INPP5A: variants seen among roughly 807,000 people sequenced by gnomAD.
The protein encoded by INPP5A is inositol polyphosphate-5-phosphatase A.
Under a neutral mutation model 65.2 loss-of-function variants are expected in INPP5A, and 14 were observed. That is an observed-to-expected ratio of 0.21 (90% confidence interval 0.14 to 0.34). INPP5A has a LOEUF of 0.34. INPP5A is among the 10% of genes least tolerant of loss of function. The pLI is 1.00. For synonymous variants in INPP5A, 207 were observed against 208.3 expected (o/e 0.99, Z 0.05); for missense variants, 431 against 545.6 (o/e 0.79, Z 2.09).
intron 8 of INPP5A, among the ~76,000 whole-genome samples, chr10:132,713,786 C>G (rs1402018159): frequency 6.6e-6 from 1 of 152,194 alleles, no homozygotes; most frequent in Non-Finnish European, 1.5e-5. Context: ...GGAGCTGGCA[C>G]TGACACCGAG....
At position 132,723,571 on chromosome 10, in the gene INPP5A, CAT is replaced by C. The variant is rs1386616197; in HGVS notation, c.648-3249_648-3248del. Among the ~76,000 whole-genome samples the C allele has an allele frequency of 1.6e-3, 216 of 138,492 alleles. 1 individual carries two copies. Among genetic ancestry groups the C allele is most frequent in the African/African-American group, 4.3e-3 (154 of 35,588 alleles). 90.9% of individuals were successfully genotyped at this position (138,492 alleles called of 152,430 possible). A position where few individuals can be genotyped will look rare whatever the true frequency, so the allele number is the denominator to read the frequency against. On this transcript the variant is annotated intron_variant, in intron 8 of 15. Coordinates refer to ENST00000368594, the MANE Select transcript of INPP5A (RefSeq NM_005539.5). ...GGGGATTGGCCGTGTGGGGATTGGC[CAT>C]GTGGGGATTGGCCGTGTGGGGATTG...
At chr10:132,615,807 T>C (rs1336583776) in intron 2 of INPP5A, among the ~76,000 whole-genome samples, 5 of 151,110 alleles carry the variant, frequency 3.3e-5, no homozygotes, top group Admixed American at 6.6e-5. Flanking sequence ...AGGCACTGGG[T>C]TGGTGGAGGA....
intron 3 of INPP5A, among the ~76,000 whole-genome samples, chr10:132,649,749 C>T (rs1026888047): frequency 1.1e-4 from 17 of 152,142 alleles, no homozygotes; most frequent in African/African-American, 3.6e-4. Context: ...GACGGGGCCT[C>T]GTCCTCCGTT....
At chr10:132,563,915 T>C (rs111877332) in intron 1 of INPP5A, among the ~76,000 whole-genome samples, 3,644 of 152,252 alleles carry the variant, frequency 0.024, 53 homozygotes, top group South Asian at 0.039. Context: ...CTCTGAGCCC[T>C]GAGCCCTGGC....
rs1004092539 is a variant in INPP5A, at chr10:132,650,050, A to G, written c.219-368A>G. ...TGTGCTGGTGGCTACTGGGGGTCCA[A>G]TTTCTCTCTTAAGACCAAGCGTGAG... On this transcript the variant is annotated intron_variant, in intron 3 of 15. Coordinates refer to ENST00000368594, the MANE Select transcript of INPP5A (RefSeq NM_005539.5). The surrounding 1 kb of genome is among the most constrained non-coding windows in gnomAD (Gnocchi z 5.5). 3.3e-5 allele frequency among the ~76,000 whole-genome samples: 5 copies of G among 152,158 alleles called. No homozygotes were observed. The highest frequency in any genetic ancestry group is 2.1e-4 in the South Asian group (1 of 4,816).
In INPP5A at chr10:132,676,080, C is replaced by T. The variant is rs1055209679; in HGVS notation, c.307-14312C>T. Among the ~76,000 whole-genome samples, 2 of 152,026 alleles carry T rather than the reference C, an allele frequency of 1.3e-5. No individual in the cohort carries two copies. The highest frequency in any genetic ancestry group is 3.8e-4 in the East Asian group (2 of 5,198). On this transcript the variant is annotated intron_variant, in intron 4 of 15. Transcript: ENST00000368594. This position sits in a 1 kb window ranked among gnomAD's most constrained non-coding sequence, Gnocchi z 4.0. ...TGATTTACTTGTATAATCATTTATA[C>T]GTAGAAAAATATAACAAATTTCATA...
In INPP5A at chr10:132,587,477, G is replaced by A. The variant is rs896691909; in HGVS notation, c.76-20438G>A. On this transcript the variant is annotated intron_variant, in intron 1 of 15. Coordinates refer to ENST00000368594, the MANE Select transcript of INPP5A (RefSeq NM_005539.5). This position sits in a 1 kb window ranked among gnomAD's most constrained non-coding sequence, Gnocchi z 4.3. ...GAAATCATGACGGGGAAAGGATGCGGCCATACCAGACGGAACCTTTGTCCA... is the reference window on the plus strand; with the variant it reads ...GAAATCATGACGGGGAAAGGATGCGACCATACCAGACGGAACCTTTGTCCA... Among the ~76,000 whole-genome samples, 1 of 152,182 alleles carries A rather than the reference G, an allele frequency of 6.6e-6. No individual in the cohort carries two copies. The highest frequency in any genetic ancestry group is 2.4e-5 in the African/African-American group (1 of 41,438).
At chr10:132,646,100 C>G in intron 3 of INPP5A, 132 bp downstream of exon 3, 1 of 652,942 alleles carries the variant, frequency 1.5e-6, no homozygotes, top group Non-Finnish European at 2.7e-6. Context: ...TTGGCTGAGT[C>G]TCAGTTTTCC....
chr10:132,720,207 G>T (rs1256534658), intron 8 of INPP5A, among the ~76,000 whole-genome samples: 4 of 151,058 alleles, frequency 2.6e-5, no homozygotes, highest in African/African-American at 7.3e-5. Context: ...TGTGGGTTCT[G>T]TGGCACCTGG....
chr10:132,665,084 G>A (rs776592755), intron 4 of INPP5A, among the ~76,000 whole-genome samples: 2 of 152,204 alleles, frequency 1.3e-5, no homozygotes, highest in Non-Finnish European at 2.9e-5. Flanking sequence ...GCCCTGTTGT[G>A]CATGAGGGCA....
chr10:132,632,755 A>G (rs2072292053), intron 2 of INPP5A, among the ~76,000 whole-genome samples: 1 of 152,256 alleles, frequency 6.6e-6, no homozygotes, highest in African/African-American at 2.4e-5. Context: ...TAAATGCCCC[A>G]CACTCATCCC....
chr10:132,604,266 G>A (rs1256919357), intron 1 of INPP5A, among the ~76,000 whole-genome samples: 17 of 149,680 alleles, frequency 1.1e-4, no homozygotes, highest in Non-Finnish European at 2.4e-4. Flanking sequence ...CCTGCCCTGT[G>A]CCGTCAGGGT....
Position 132,719,054 on chromosome 10 carries a change from G to A in INPP5A, c.648-7767G>A, listed in dbSNP as rs561369780. ...TGTGGTACCTGGGTTCTGTCTGGGC[G>A]CCTTAGACGGCTGTCTCGCGGGTTC... On this transcript the variant is annotated intron_variant, in intron 8 of 15. Coordinates refer to ENST00000368594, the MANE Select transcript of INPP5A (RefSeq NM_005539.5). Among the ~76,000 whole-genome samples, 190 of 132,164 alleles carry A rather than the reference G, an allele frequency of 1.4e-3. 1 individual carries two copies. The highest frequency in any genetic ancestry group is 5.2e-3 in the African/African-American group (181 of 34,786). 86.7% of individuals were successfully genotyped at this position (132,164 alleles called of 152,430 possible).
chr10:132,602,693 C>T (rs577212843), intron 1 of INPP5A, among the ~76,000 whole-genome samples: 13 of 152,296 alleles, frequency 8.5e-5, no homozygotes, highest in South Asian at 6.2e-4. Context: ...CGTTCCCATT[C>T]GGGTACCTTT....
intron 1 of INPP5A, among the ~76,000 whole-genome samples, chr10:132,562,930 G>C (rs2071224241): frequency 6.6e-6 from 1 of 152,202 alleles, no homozygotes. Context: ...GCTCCCTGGT[G>C]CCCCCTTCCC....
rs761016092 is a variant in INPP5A, at chr10:132,587,248, C to T, written c.76-20667C>T. ...AGATGGACCCAGGGCAGCTTGGGCC[C>T]GTTCCTCACCTGTTACCTGCTGGCA... On this transcript the variant is annotated intron_variant, in intron 1 of 15. Coordinates refer to ENST00000368594, the MANE Select transcript of INPP5A (RefSeq NM_005539.5). The surrounding 1 kb of genome is among the most constrained non-coding windows in gnomAD (Gnocchi z 4.3). Among the ~76,000 whole-genome samples the T allele has an allele frequency of 1.3e-5, 2 of 152,230 alleles. No individual in the cohort carries two copies. Among genetic ancestry groups the T allele is most frequent in the African/African-American group, 2.4e-5 (1 of 41,448 alleles).
At chr10:132,658,829 G>A (rs116176651) in intron 4 of INPP5A, among the ~76,000 whole-genome samples, 2,460 of 152,116 alleles carry the variant, frequency 0.016, 48 homozygotes, top group South Asian at 0.06. Context: ...CAAGACCGCC[G>A]AGACTGCCAA....
At chr10:132,758,608 G>A (rs61862837) in intron 11 of INPP5A, among the ~76,000 whole-genome samples, 1,090 of 103,764 alleles carry the variant, frequency 0.011, 4 homozygotes, top group South Asian at 0.036. Flanking sequence ...GGGCCAGTGC[G>A]ATGATGTGGG....
At chr10:132,744,483 G>A (rs936772856) in intron 9 of INPP5A, among the ~76,000 whole-genome samples, 4 of 152,176 alleles carry the variant, frequency 2.6e-5, no homozygotes, top group Non-Finnish European at 5.9e-5. Flanking sequence ...TCCCGTTCAT[G>A]GTGGGATATG....
Sources: allele counts gnomAD v4.1 joint callset (sites outside exome capture counted in the v4.1 genomes callset), GRCh38; gene constraint gnomAD v4.1.1; non-coding constraint Gnocchi (gnomAD v3.1); transcripts MANE v1.5; gene names NCBI Gene and HGNC (gene_info 2026-07-23, HGNC 2026-07-21).